PYROXD2: variants seen among roughly 807,000 people sequenced by gnomAD.
PYROXD2 encodes the protein pyridine nucleotide-disulfide oxidoreductase domain-containing protein 2.
Under a neutral mutation model 71.1 loss-of-function variants are expected in PYROXD2, and 69 were observed. That is an observed-to-expected ratio of 0.97 (90% CI 0.80 to 1.19). The LOEUF (loss-of-function observed/expected upper bound fraction) is 1.19, where lower values mean the gene tolerates loss of function less well. Ranked by LOEUF, PYROXD2 falls within the 50% of genes most tolerant of loss-of-function variation. The pLI is 0.00. For synonymous variants in PYROXD2, 287 were observed against 302.7 expected (o/e 0.95, Z 0.54); for missense variants, 745 against 748.9 (o/e 0.99, Z 0.06).
chr10:98,384,333 C>T (rs117798253), intron 15 of PYROXD2, among the ~76,000 whole-genome samples: 1,732 of 152,264 alleles, frequency 0.011, 15 homozygotes, highest in Non-Finnish European at 0.016. Flanking sequence ...ATCCATCCTT[C>T]CTGGTCTAAA....
intron 11 of PYROXD2, 124 bp from the exon 12 acceptor site, chr10:98,390,878 C>T: frequency 7.2e-7 from 1 of 1,396,726 alleles, no homozygotes; most frequent in South Asian, 1.2e-5. Flanking sequence ...CACCTTCTGA[C>T]CAGGCTGCAG....
At chr10:98,389,447 C>A (rs1842872880) in intron 12 of PYROXD2, among the ~76,000 whole-genome samples, 1 of 152,168 alleles carries the variant, frequency 6.6e-6, no homozygotes, top group African/African-American at 2.4e-5. Flanking sequence ...CCAGGTTGGT[C>A]TTTTTAAAGC....
chr10:98,392,571 A>G lies in PYROXD2; in HGVS notation c.928-5T>C, dbSNP rs1268694962. 1.9e-6 allele frequency: 3 copies of G among 1,609,838 alleles called. No homozygotes were observed. The highest frequency in any genetic ancestry group is 2.5e-6 in the Non-Finnish European group (3 of 1,179,912). On this transcript the variant is annotated splice_region_variant and splice_polypyrimidine_tract_variant and intron_variant, in intron 9 of 15. Transcript: ENST00000370575. ...CACCTGCACCTTCGCCACTGTCTAG[A>G]GCCCACCAGAACAAGGCCCCAGAAA...
At chr10:98,408,976 G>T (rs551945823) in intron 2 of PYROXD2, among the ~76,000 whole-genome samples, 2 of 152,302 alleles carry the variant, frequency 1.3e-5, no homozygotes. Flanking sequence ...TAGAGGTGTT[G>T]GGAATTGAAA....
chr10:98,404,892 C>T (rs995363076), intron 4 of PYROXD2, among the ~76,000 whole-genome samples: 1 of 152,204 alleles, frequency 6.6e-6, no homozygotes, highest in African/African-American at 2.4e-5. Context: ...TTTCCCAGGT[C>T]ATACTTTGTG....
At chr10:98,397,641 C>T (rs1444517547) in intron 5 of PYROXD2, 143 bp from the exon 6 acceptor site, 4 of 1,035,298 alleles carry the variant, frequency 3.9e-6, no homozygotes, top group African/African-American at 1.6e-5. Flanking sequence ...CTGTTGAGCT[C>T]CCCCAGTTCC....
chr10:98,415,149 T>G lies in PYROXD2; in HGVS notation c.-14A>C, dbSNP rs754652000. On this transcript the variant is annotated 5_prime_UTR_variant, in exon 1 of 16. Transcript: ENST00000370575. ...ACTTGCAGCCATTTCTGCCCCAGGC[T>G]GGGCCTTGCTAGGCAGGGAGTTTGC... The G allele has an allele frequency of 1.9e-6, 3 of 1,610,842 alleles. No individual in the cohort carries two copies. The highest frequency in any genetic ancestry group is 4.5e-5 in the East Asian group (2 of 44,826).
chr10:98,409,079 G>T (rs1409839919), intron 2 of PYROXD2, among the ~76,000 whole-genome samples: 1 of 152,312 alleles, frequency 6.6e-6, no homozygotes, highest in South Asian at 2.1e-4. Context: ...CAGTGGCTGA[G>T]GCCTGGCACG....
intron 5 of PYROXD2, among the ~76,000 whole-genome samples, chr10:98,399,664 C>T (rs1843321251): frequency 6.6e-6 from 1 of 152,228 alleles, no homozygotes; most frequent in Non-Finnish European, 1.5e-5. Flanking sequence ...GTCCTAAGTT[C>T]CTGATTCAGT....
rs58461142 is a variant in PYROXD2, at chr10:98,394,543, A to AACACACAC, written c.785+645_785+652dup. On this transcript the variant is annotated intron_variant, in intron 8 of 15. Coordinates refer to ENST00000370575, the MANE Select transcript of PYROXD2 (RefSeq NM_032709.3). ...AACCCTTGGCTGCATTCTCCATCCC[A>AACACACAC]ACACACACACACACACACACACACA... Among the ~76,000 whole-genome samples, 892 of 141,896 alleles carry AACACACAC rather than the reference A, an allele frequency of 6.3e-3. 6 individuals are homozygous for AACACACAC. Among genetic ancestry groups the AACACACAC allele is most frequent in the African/African-American group, 0.016 (602 of 37,924 alleles). 93.1% of individuals were successfully genotyped at this position (141,896 alleles called of 152,430 possible).
intron 4 of PYROXD2, among the ~76,000 whole-genome samples, chr10:98,401,925 T>C (rs1234737363): frequency 6.6e-6 from 1 of 152,182 alleles, no homozygotes; most frequent in Non-Finnish European, 1.5e-5. Context: ...AGGAATACTC[T>C]CTAAAATAAT....
intron 6 of PYROXD2, among the ~76,000 whole-genome samples, chr10:98,396,834 G>T (rs77127789): frequency 0.014 from 2,180 of 152,266 alleles, 32 homozygotes; most frequent in Middle Eastern, 0.034. Context: ...AACCTACTTG[G>T]CACCCACAGA....
Position 98,390,644 on chromosome 10 carries a change from G to A in PYROXD2, c.1246C>T (p.Leu416Phe). 6.2e-7 allele frequency: 1 copy of A among 1,611,850 alleles called. No individual in the cohort carries two copies. Among genetic ancestry groups the A allele is most frequent in the Non-Finnish European group, 8.5e-7 (1 of 1,178,640 alleles). Reference sequence around the variant, plus strand: ...ATGGCATCTTCAAAGGCCTGATGAAGGAGGAGGGTGTCTTCACAGTTCAGG... The same window carrying A: ...ATGGCATCTTCAAAGGCCTGATGAAAGAGGAGGGTGTCTTCACAGTTCAGG... ...IHLNCEDTLL[L>F]HQAFEDAMDG... Residue 416 changes from leucine to phenylalanine, a missense_variant, in exon 12 of 16, where the codon CTT (leucine) becomes TTT (phenylalanine). Leu to Phe is a conservative substitution (Grantham distance 22). Coordinates refer to ENST00000370575, the MANE Select transcript of PYROXD2 (RefSeq NM_032709.3).
At chr10:98,384,772 G>A (rs1842696171) in intron 15 of PYROXD2, among the ~76,000 whole-genome samples, 175 bp downstream of exon 15, 1 of 152,238 alleles carries the variant, frequency 6.6e-6, no homozygotes, top group South Asian at 2.1e-4. Flanking sequence ...GGAGGCAGCG[G>A]CTGTGTGCTC....
intron 14 of PYROXD2, among the ~76,000 whole-genome samples, chr10:98,385,949 T>C (rs1396093512): frequency 6.6e-6 from 1 of 152,134 alleles, no homozygotes; most frequent in African/African-American, 2.4e-5. Context: ...GAGCTACATA[T>C]GTAGTTTTTG....
rs1843344768 is a variant in PYROXD2 at position 98,400,177 on chromosome 10, G to A, written c.396C>T (p.Pro132=). The change falls in exon 5 of 16, where the codon CCC becomes CCT. Residue 132 remains proline (P), a synonymous_variant. Coordinates refer to ENST00000370575, the MANE Select transcript of PYROXD2 (RefSeq NM_032709.3). ...TGTCTGTGCCCAGCAGAAGGCACCT[G>A]GGCACCTTGCTGCCTGCACCCTCTT... The part of the protein sequence containing the change: ...MLEEGAGSKV[P]RCLLLGTDMA... 6.2e-7 allele frequency: 1 copy of A among 1,613,626 alleles called. No homozygotes were observed.
At position 98,386,477 on chromosome 10, in the gene PYROXD2, AT is replaced by A. The variant is rs568811124; in HGVS notation, c.1554+723del. 5.3e-5 allele frequency among the ~76,000 whole-genome samples: 8 copies of A among 151,466 alleles called. No individual in the cohort carries two copies. In the South Asian group the frequency reaches 1.7e-3, roughly 31 times the overall value. ...ATAACTTATTGATGAGATATTTTACATTTTTTTCTATACTGTGTGCATTCTA... is the reference window on the plus strand; with the variant it reads ...ATAACTTATTGATGAGATATTTTACATTTTTTCTATACTGTGTGCATTCTA... On this transcript the variant is annotated intron_variant, in intron 14 of 15. Transcript: ENST00000370575.
chr10:98,406,617 G>A (rs1034143615), intron 4 of PYROXD2, among the ~76,000 whole-genome samples: 1 of 150,606 alleles, frequency 6.6e-6, no homozygotes, highest in Non-Finnish European at 1.5e-5. Context: ...ACGTGGCCGG[G>A]TGCGGTGGCT....
intron 2 of PYROXD2, among the ~76,000 whole-genome samples, chr10:98,408,923 C>T (rs772829923): frequency 3.9e-5 from 6 of 152,146 alleles, no homozygotes; most frequent in Non-Finnish European, 7.3e-5. Context: ...GACTGAGGCC[C>T]AATGAGGTTA....
Sources: allele counts gnomAD v4.1 joint callset (sites outside exome capture counted in the v4.1 genomes callset), GRCh38; gene constraint gnomAD v4.1.1; transcripts MANE v1.5; gene names NCBI Gene and HGNC (gene_info 2026-07-23, HGNC 2026-07-21).